Variants in MTA3 observed in about 807,000 individuals in gnomAD.
MTA3 encodes the protein metastasis-associated protein MTA3.
In MTA3, 34 loss-of-function variants were observed where a neutral mutation model predicts 83.5. That is an observed-to-expected ratio of 0.41 (90% confidence interval 0.31 to 0.54). The LOEUF (loss-of-function observed/expected upper bound fraction) is 0.54. Ranked by LOEUF, MTA3 falls within the 20% of genes least tolerant of loss-of-function variation. The pLI, the probability that MTA3 is intolerant of heterozygous loss-of-function variation, is 0.33. For synonymous variants in MTA3, 303 were observed against 252.7 expected (o/e 1.20, Z -1.89); for missense variants, 761 against 726.4 (o/e 1.05, Z -0.55).
intron 16 of MTA3, among the ~76,000 whole-genome samples, chr2:42,727,826 A>G (rs539987412): frequency 2.6e-5 from 4 of 152,066 alleles, no homozygotes; most frequent in African/African-American, 9.6e-5. Context: ...TTTTTTGTGG[A>G]TACATAGTAG....
intron 16 of MTA3, among the ~76,000 whole-genome samples, chr2:42,740,318 C>T (rs182517916): frequency 2.9e-4 from 44 of 152,290 alleles, no homozygotes; most frequent in East Asian, 7.7e-4. Context: ...CAAGACCAGC[C>T]GGGACAACAT....
intron 16 of MTA3, among the ~76,000 whole-genome samples, chr2:42,738,652 A>G (rs1668783666): frequency 6.6e-6 from 1 of 152,206 alleles, no homozygotes; most frequent in African/African-American, 2.4e-5. Context: ...TTAAACTCTG[A>G]CTGCTGGTGA....
intron 2 of MTA3, among the ~76,000 whole-genome samples, chr2:42,506,463 A>G (rs1674634349): frequency 6.6e-6 from 1 of 151,806 alleles, no homozygotes; most frequent in African/African-American, 2.4e-5. Flanking sequence ...CAAATATTAT[A>G]TATATATATT....
intron 2 of MTA3, among the ~76,000 whole-genome samples, chr2:42,560,433 G>A (rs936158567): frequency 6.6e-6 from 1 of 151,240 alleles, no homozygotes; most frequent in Non-Finnish European, 1.5e-5. Flanking sequence ...TTGAGGTCAG[G>A]AGTTCAAGAC....
At chr2:42,751,410 C>T (rs560946207) in intron 16 of MTA3, among the ~76,000 whole-genome samples, 2 of 152,326 alleles carry the variant, frequency 1.3e-5, no homozygotes, top group African/African-American at 2.4e-5. Context: ...TAGACATTTT[C>T]CTGGGGCTCT....
chr2:42,752,453 C>G (rs775157568), intron 16 of MTA3: 2 of 354,632 alleles, frequency 5.6e-6, no homozygotes, highest in Non-Finnish European at 1.1e-5. Flanking sequence ...TCACAACTTT[C>G]TAATACAACA....
intron 2 of MTA3, among the ~76,000 whole-genome samples, chr2:42,517,761 C>G (rs1048030482): frequency 6.7e-6 from 1 of 150,354 alleles, no homozygotes; most frequent in Non-Finnish European, 1.5e-5. Flanking sequence ...GCCTGTAATC[C>G]CAGCTACTCC....
intron 2 of MTA3, among the ~76,000 whole-genome samples, chr2:42,512,399 C>T (rs1328522682): frequency 6.6e-6 from 1 of 152,198 alleles, no homozygotes; most frequent in Non-Finnish European, 1.5e-5. Flanking sequence ...CAGGTCCTCT[C>T]CCCAGAAGAG....
chr2:42,530,965 G>A (rs1167521474), intron 2 of MTA3, among the ~76,000 whole-genome samples: 2 of 152,036 alleles, frequency 1.3e-5, no homozygotes, highest in African/African-American at 4.8e-5. Context: ...GAGTATCTGG[G>A]ACCACAGGTG....
chr2:42,756,575 G>A lies in MTA3; in HGVS notation c.*3176G>A, dbSNP rs1375215136. ...CGAGGGGAGGTGGAGGAGCTGCCCC[G>A]TGGGTGTTTGGAGATTCTGTTTTAC... On this transcript the variant is annotated 3_prime_UTR_variant, in exon 17 of 17. Transcript: ENST00000405094. 7 of 985,660 alleles carry A rather than the reference G, an allele frequency of 7.1e-6. No homozygotes were observed. The highest frequency in any genetic ancestry group is 6.1e-5 in the Admixed American group (1 of 16,262). 61.1% of individuals were successfully genotyped at this position (985,660 alleles called of 1,614,324 possible).
At chr2:42,498,370 G>A (rs976184856) in intron 2 of MTA3, among the ~76,000 whole-genome samples, 3 of 152,212 alleles carry the variant, frequency 2.0e-5, no homozygotes, top group African/African-American at 7.2e-5. Flanking sequence ...CTGAATGGTA[G>A]AAAGGAGAGC....
intron 9 of MTA3, among the ~76,000 whole-genome samples, chr2:42,690,486 GTTC>G (rs1692778598): frequency 1.3e-5 from 2 of 151,820 alleles, no homozygotes; most frequent in African/African-American, 4.8e-5. Flanking sequence ...GACTGAGTAT[GTTC>G]TTCTTTGTAA....
At chr2:42,689,668 G>T (rs1692697469) in intron 9 of MTA3, among the ~76,000 whole-genome samples, 1 of 151,646 alleles carries the variant, frequency 6.6e-6, no homozygotes, top group Admixed American at 6.6e-5. Context: ...TTATAAAGAT[G>T]TTTATAATAG....
intron 4 of MTA3, among the ~76,000 whole-genome samples, chr2:42,620,740 C>A (rs931039893): frequency 3.3e-5 from 5 of 152,168 alleles, no homozygotes; most frequent in Admixed American, 2.6e-4. Context: ...ACAGTCCTCC[C>A]ATCTTGGCCT....
chr2:42,593,094 A>G (rs528533353), intron 3 of MTA3, among the ~76,000 whole-genome samples: 1 of 152,076 alleles, frequency 6.6e-6, no homozygotes, highest in East Asian at 1.9e-4. Context: ...TGGTGGTTGC[A>G]GTGAGCCGAG....
chr2:42,606,383 C>T (rs1288828965), intron 3 of MTA3, among the ~76,000 whole-genome samples: 4 of 135,902 alleles, frequency 2.9e-5, no homozygotes, highest in South Asian at 2.5e-4. Flanking sequence ...ACTTCTCAGA[C>T]GGGGCGGCCG....
At position 42,553,039 on chromosome 2, in the gene MTA3, G is replaced by T. The variant is rs896120571; in HGVS notation, c.-140-17398G>T. 3.3e-5 allele frequency among the ~76,000 whole-genome samples: 5 copies of T among 152,072 alleles called. 1 individual carries two copies. Among genetic ancestry groups the T allele is most frequent in the Non-Finnish European group, 7.4e-5 (5 of 68,016 alleles). ...CACCTATAATCCCAGCACTTTGGAAGGCCGAGGCAAGAGGATTGCTTGAGG... is the reference window on the plus strand; with the variant it reads ...CACCTATAATCCCAGCACTTTGGAATGCCGAGGCAAGAGGATTGCTTGAGG... On this transcript the variant is annotated intron_variant, in intron 2 of 17. Coordinates refer to the MTA3 transcript ENST00000405592.
At chr2:42,627,725 A>ATTTTTTTTTTTTTTTTTTTTTTTT (rs869227831) in intron 4 of MTA3, among the ~76,000 whole-genome samples, 3 of 103,384 alleles carry the variant, frequency 2.9e-5, no homozygotes, top group African/African-American at 4.0e-5. Context: ...GCCTGGCTAA[A>ATTTTTTTTTTTTTTTTTTTTTTTT]TTTTTTTTTT....
rs564242117 is a variant in MTA3 at position 42,572,853 on chromosome 2, A to C, written c.96+2349A>C. Among the ~76,000 whole-genome samples the C allele has an allele frequency of 3.0e-4, 45 of 152,104 alleles. 1 individual carries two copies. Among genetic ancestry groups the C allele is most frequent in the Admixed American group, 1.6e-3 (24 of 15,272 alleles). ...AGCGATTCTACTGTCTCATCCTCCCAAGTAGCTGGGATTACAGGCATGCGC... is the reference window on the plus strand; with the variant it reads ...AGCGATTCTACTGTCTCATCCTCCCCAGTAGCTGGGATTACAGGCATGCGC... On this transcript the variant is annotated intron_variant, in intron 2 of 16. Transcript: ENST00000405094.
Sources: allele counts gnomAD v4.1 joint callset (sites outside exome capture counted in the v4.1 genomes callset), GRCh38; gene constraint gnomAD v4.1.1; transcripts MANE v1.5; gene names NCBI Gene and HGNC (gene_info 2026-07-23, HGNC 2026-07-21).